UNC45A: variants seen among roughly 807,000 people sequenced by gnomAD.
UNC45A encodes the protein protein unc-45 homolog A.
UNC45A carries 78 observed loss-of-function variants against 103.2 expected under a neutral mutation model. That is an observed-to-expected ratio of 0.76 (90% CI 0.63 to 0.91). The LOEUF is 0.91. Among genes scored for constraint, UNC45A ranks in the 40% least tolerant of loss-of-function variants. The probability of loss-of-function intolerance (pLI) is 0.00; values close to 1 mark genes in which losing one functional copy is unlikely to be tolerated. For synonymous variants in UNC45A, 495 were observed against 504.6 expected, an observed-to-expected ratio of 0.98 and a Z score of 0.25; for missense variants, 1,193 against 1,224.8, an observed-to-expected ratio of 0.97 and a Z score of 0.39.
chr15:90,935,384 C>T lies in UNC45A; in HGVS notation c.51+9C>T. 1 of 1,589,866 alleles carries T rather than the reference C, an allele frequency of 6.3e-7. No homozygotes were observed. The highest frequency in any genetic ancestry group is 8.6e-7 in the Non-Finnish European group (1 of 1,168,036). On this transcript the variant is annotated intron_variant, in intron 1 of 19. Coordinates refer to ENST00000418476, the MANE Select transcript of UNC45A (RefSeq NM_018671.5). Reference sequence around the variant, plus strand: ...GGCCGGCCACCCCCGGGGTGCGTACCCAACCCCCGCGCCATCACCCCTTCG... The same window carrying T: ...GGCCGGCCACCCCCGGGGTGCGTACTCAACCCCCGCGCCATCACCCCTTCG...
At chr15:90,934,091 G>T (rs2035897798), upstream of UNC45A, 2 of 399,102 alleles carry the variant, frequency 5.0e-6, no homozygotes, top group Admixed American at 4.4e-5. Flanking sequence ...TATCTGTGGG[G>T]CTACTGCTGC....
At chr15:90,949,893 C>G (rs1356317915) in intron 15 of UNC45A, 173 bp downstream of exon 15, 1 of 733,898 alleles carries the variant, frequency 1.4e-6, no homozygotes, top group Non-Finnish European at 2.3e-6. Flanking sequence ...CTCCTTGGCC[C>G]CTCCACACTG....
intron 9 of UNC45A, 82 bp from the exon 10 acceptor site, chr15:90,946,532 C>G: frequency 6.9e-7 from 1 of 1,447,714 alleles, no homozygotes; most frequent in Non-Finnish European, 9.2e-7. Context: ...GTGCAGGTGC[C>G]TGGCCAGTGG....
chr15:90,935,717 T>C lies in UNC45A; in HGVS notation c.213+12T>C, dbSNP rs763936491. The C allele has an allele frequency of 6.5e-7, 1 of 1,547,500 alleles. No homozygotes were observed. The highest frequency in any genetic ancestry group is 1.2e-5 in the South Asian group (1 of 80,754). On this transcript the variant is annotated intron_variant, in intron 2 of 19. Coordinates refer to ENST00000418476, the MANE Select transcript of UNC45A (RefSeq NM_018671.5). The stretch of plus-strand genomic sequence containing the variant: ...GCCACCTCAAGCTGGTGAGGGAGCC[T>C]GGCGCTCTTCCCCTCGCCCGCCCGG...
upstream of UNC45A, chr15:90,932,389 C>G: frequency 8.1e-7 from 1 of 1,234,874 alleles, no homozygotes; most frequent in African/African-American, 1.6e-5. Flanking sequence ...TCCCCACCAC[C>G]CAGGTGCCGC....
upstream of UNC45A, chr15:90,933,775 C>G (rs141450735): frequency 4.3e-5 from 15 of 347,778 alleles, no homozygotes; most frequent in Middle Eastern, 7.0e-4. Flanking sequence ...GCTGCTCTCT[C>G]ATCCCTCATT....
intron 16 of UNC45A, 68 bp downstream of exon 16, chr15:90,950,335 C>T: frequency 1.3e-6 from 2 of 1,521,548 alleles, no homozygotes; most frequent in Non-Finnish European, 1.8e-6. Context: ...TGGGCTGTAG[C>T]TCCCCTTTGG....
upstream of UNC45A, chr15:90,931,170 T>C: frequency 7.3e-7 from 1 of 1,379,064 alleles, no homozygotes; most frequent in Non-Finnish European, 9.9e-7. Context: ...CTCTAATATC[T>C]GGGAAGGATG....
Position 90,935,540 on chromosome 15 carries a change from A to G in UNC45A, c.52-4A>G, listed in dbSNP as rs2035965442. On this transcript the variant is annotated splice_polypyrimidine_tract_variant and splice_region_variant and intron_variant, in intron 1 of 19. Transcript: ENST00000418476. ...CGACGTTTCCGCCCCCTTTCTCTCT[A>G]CAGGCCAGCTCAGTGGAGCAGCTGC... 3 of 1,597,086 alleles carry G rather than the reference A, an allele frequency of 1.9e-6. No homozygotes were observed. The highest frequency in any genetic ancestry group is 2.6e-6 in the Non-Finnish European group (3 of 1,171,874).
At chr15:90,951,643 A>T (rs2036920274) in intron 17 of UNC45A, among the ~76,000 whole-genome samples, 1 of 152,212 alleles carries the variant, frequency 6.6e-6, no homozygotes, top group South Asian at 2.1e-4. Context: ...TAGCTAATGC[A>T]TGCTGGGCTT....
chr15:90,932,150 A>T (rs756487914), upstream of UNC45A: 1 of 1,560,560 alleles, frequency 6.4e-7, no homozygotes, highest in Non-Finnish European at 8.7e-7. Flanking sequence ...GGTCGGAGGT[A>T]GTCCCAAGGC....
chr15:90,940,545 C>G (rs1023780390), intron 6 of UNC45A, 72 bp downstream of exon 6: 1 of 1,529,594 alleles, frequency 6.5e-7, no homozygotes. Flanking sequence ...CTCCATCCAC[C>G]CATCTGTCCA....
At chr15:90,949,278 C>G in intron 13 of UNC45A, 38 bp from the exon 14 acceptor site, 1 of 1,587,396 alleles carries the variant, frequency 6.3e-7, no homozygotes, top group South Asian at 1.1e-5. Flanking sequence ...CTCTGTGAGT[C>G]AGCCTAGGCC....
chr15:90,951,431 G>C (rs1452292320), intron 17 of UNC45A, among the ~76,000 whole-genome samples: 3 of 152,182 alleles, frequency 2.0e-5, no homozygotes, highest in African/African-American at 7.2e-5. Context: ...GCCATGGTGA[G>C]AATTAAGTAA....
chr15:90,944,126 C>T (rs902092919), intron 8 of UNC45A, among the ~76,000 whole-genome samples: 2 of 151,348 alleles, frequency 1.3e-5, no homozygotes, highest in African/African-American at 4.8e-5. Flanking sequence ...GTGCCTCACG[C>T]CTATAATCCC....
At chr15:90,950,860 C>G (rs1330261118) in intron 17 of UNC45A, among the ~76,000 whole-genome samples, 3 of 152,226 alleles carry the variant, frequency 2.0e-5, no homozygotes, top group Non-Finnish European at 4.4e-5. Context: ...CTTAACTGCT[C>G]TGTCTCAGTT....
chr15:90,937,077 G>A (rs34127963), intron 4 of UNC45A, among the ~76,000 whole-genome samples: 1 of 152,200 alleles, frequency 6.6e-6, no homozygotes, highest in African/African-American at 2.4e-5. Flanking sequence ...AGGGCATGGT[G>A]GTTCATGCCT....
At chr15:90,948,079 G>C in intron 11 of UNC45A, 63 bp from the exon 12 acceptor site, 1 of 1,600,408 alleles carries the variant, frequency 6.2e-7, no homozygotes, top group Admixed American at 1.7e-5. Flanking sequence ...TTCCCCCTTG[G>C]CCTTGGTGTA....
Position 90,946,931 on chromosome 15 carries a change from GGGGT to G in UNC45A, c.1500+25_1500+28del. ...GCGCTAGTGGTGAGACGGTGGGCCT[GGGGT>G]GGGTGGGCAGGCAGCCAGGCAGGGG... On this transcript the variant is annotated intron_variant, in intron 10 of 19. Coordinates refer to ENST00000418476, the MANE Select transcript of UNC45A (RefSeq NM_018671.5). The G allele has an allele frequency of 5.1e-6, 8 of 1,568,808 alleles. No homozygotes were observed. The highest frequency in any genetic ancestry group is 7.0e-6 in the Non-Finnish European group (8 of 1,148,426).
Sources: allele counts gnomAD v4.1 joint callset (sites outside exome capture counted in the v4.1 genomes callset), GRCh38; gene constraint gnomAD v4.1.1; transcripts MANE v1.5; gene names NCBI Gene and HGNC (gene_info 2026-07-23, HGNC 2026-07-21).